The following CRTAC1 variants were observed in gnomAD, a reference collection of about 807,000 sequenced individuals.
The protein encoded by CRTAC1 is cartilage acidic protein 1, also known as acidic secreted protein in cartilage.
In CRTAC1, 37 loss-of-function variants were observed where a neutral mutation model predicts 67.8. The observed-to-expected ratio is 0.55, with a 90% confidence interval of 0.42 to 0.72. The LOEUF (loss-of-function observed/expected upper bound fraction) is 0.72. Among genes scored for constraint, CRTAC1 ranks in the 30% least tolerant of loss-of-function variants. CRTAC1 has a pLI of 0.00. For missense variants in CRTAC1, 780 were observed against 931.6 expected, an observed-to-expected ratio of 0.84 and a Z score of 2.12; for synonymous variants, 348 against 371.0, an observed-to-expected ratio of 0.94 and a Z score of 0.71.
chr10:97,984,074 G>A (rs1309703733), intron 2 of CRTAC1, among the ~76,000 whole-genome samples: 2 of 152,220 alleles, frequency 1.3e-5, no homozygotes, highest in Non-Finnish European at 2.9e-5. Context: ...TTAAGAGGAA[G>A]AGACAACAGC....
intron 2 of CRTAC1, among the ~76,000 whole-genome samples, chr10:98,003,794 TCTGTCTGTCTGC>T (rs1842736596): frequency 6.6e-6 from 1 of 152,178 alleles, no homozygotes; most frequent in Non-Finnish European, 1.5e-5. Flanking sequence ...TGCATGTGTG[TCTGTCTGTCTGC>T]CTGTCTGTCT....
Position 97,882,881 on chromosome 10 carries a change from A to G in CRTAC1, c.1633-53T>C, listed in dbSNP as rs2050234604. The G allele has an allele frequency of 1.9e-6, 3 of 1,582,868 alleles. No homozygotes were observed. The East Asian group carries it at 6.7e-5, about 35-fold the overall frequency. ...GAGTGAGTTGAGAAGGTCCCATCCC[A>G]GGTTCCCTCCTAGTCACAGCCACAG... On this transcript the variant is annotated intron_variant, in intron 12 of 14. Transcript: ENST00000370597.
At chr10:97,935,695 C>A (rs2051075713) in intron 3 of CRTAC1, among the ~76,000 whole-genome samples, 1 of 152,198 alleles carries the variant, frequency 6.6e-6, no homozygotes, top group Non-Finnish European at 1.5e-5. Context: ...AACAAGTGAG[C>A]TCAGCTGAGA....
intron 5 of CRTAC1, among the ~76,000 whole-genome samples, chr10:97,909,571 G>A (rs79120084): frequency 0.094 from 14,341 of 152,240 alleles, 1,036 homozygotes; most frequent in African/African-American, 0.2. Context: ...TGGCAAGGGT[G>A]TAGAGAAAAG....
chr10:98,014,607 A>G (rs1590293528), intron 1 of CRTAC1, among the ~76,000 whole-genome samples: 1 of 152,182 alleles, frequency 6.6e-6, no homozygotes, highest in East Asian at 1.9e-4. Flanking sequence ...AACTCCTACA[A>G]CTCAACAACA....
intron 4 of CRTAC1, among the ~76,000 whole-genome samples, chr10:97,920,821 G>T (rs538384823): frequency 2.6e-5 from 4 of 152,236 alleles, no homozygotes; most frequent in Non-Finnish European, 4.4e-5. Flanking sequence ...TATGTGAAAA[G>T]TCTTTGAAAA....
At chr10:98,027,103 C>T (rs372804394) in intron 1 of CRTAC1, among the ~76,000 whole-genome samples, 2 of 151,064 alleles carry the variant, frequency 1.3e-5, no homozygotes, top group East Asian at 3.9e-4. Context: ...GGAGGCGGAG[C>T]TTGCAGTGAG....
rs367605529 is a variant in CRTAC1 at position 97,994,983 on chromosome 10, C to T, written c.224+16155G>A. On this transcript the variant is annotated intron_variant, in intron 2 of 14. Coordinates refer to ENST00000370597, the MANE Select transcript of CRTAC1 (RefSeq NM_018058.7). ...CCACTGCCCAATCATGGACAGCATACAGAATGACTGCAACAGCTGGGCACA... is the reference window on the plus strand; with the variant it reads ...CCACTGCCCAATCATGGACAGCATATAGAATGACTGCAACAGCTGGGCACA... Among the ~76,000 whole-genome samples, 239 of 152,340 alleles carry T rather than the reference C, an allele frequency of 1.6e-3. 2 individuals carry two copies. Among genetic ancestry groups the T allele is most frequent in the African/African-American group, 5.2e-3 (216 of 41,574 alleles).
intron 1 of CRTAC1, among the ~76,000 whole-genome samples, chr10:98,019,106 G>A (rs1270943941): frequency 6.6e-6 from 1 of 152,098 alleles, no homozygotes; most frequent in Non-Finnish European, 1.5e-5. Context: ...TAGAGGGAGG[G>A]GTTGTAGCTG....
At chr10:97,886,042 G>T (rs2050279259) in intron 11 of CRTAC1, among the ~76,000 whole-genome samples, 1 of 152,174 alleles carries the variant, frequency 6.6e-6, no homozygotes, top group Non-Finnish European at 1.5e-5. Flanking sequence ...TATAAAAGGG[G>T]TTCCCATATT....
At chr10:97,929,883 A>G (rs1438842742) in intron 3 of CRTAC1, among the ~76,000 whole-genome samples, 1 of 152,240 alleles carries the variant, frequency 6.6e-6, no homozygotes, top group Non-Finnish European at 1.5e-5. Context: ...GACTTCGTCA[A>G]TGGAAAACCA....
At chr10:97,972,667 A>G (rs543236394) in intron 2 of CRTAC1, among the ~76,000 whole-genome samples, 1 of 152,380 alleles carries the variant, frequency 6.6e-6, no homozygotes, top group South Asian at 2.1e-4. Context: ...AAATCAGTGT[A>G]GTATCTATTG....
In CRTAC1 at chr10:97,904,534, C is replaced by T. The variant is rs2050583017; in HGVS notation, c.996+135G>A. On this transcript the variant is annotated intron_variant, in intron 7 of 14. Coordinates refer to ENST00000370597, the MANE Select transcript of CRTAC1 (RefSeq NM_018058.7). ...CCTCCTGGGCTCAAGATTCCTGTGCCTCAGCTACCGGAGTAGCTGGGATTA... is the reference window on the plus strand; with the variant it reads ...CCTCCTGGGCTCAAGATTCCTGTGCTTCAGCTACCGGAGTAGCTGGGATTA... 1.6e-5 allele frequency: 12 copies of T among 759,730 alleles called. No homozygotes were observed. The South Asian group carries it at 3.3e-4, about 21-fold the overall frequency. 47.1% of individuals were successfully genotyped at this position (759,730 alleles called of 1,614,324 possible). A position where few individuals can be genotyped will look rare whatever the true frequency, so the allele number is the denominator to read the frequency against.
At position 98,011,194 on chromosome 10, in the gene CRTAC1, A is replaced by G; in HGVS notation, c.168T>C (p.Tyr56=). Residue 56 remains tyrosine, a synonymous_variant, in exon 2 of 15, where the codon TAT becomes TAC. Transcript: ENST00000370597. ...GGTCCACATCAGTAACTGCCACACC[A>G]TAGTTGAGCTGGGTGGGATTACTGT... ...DYDSNPTQLN[Y]GVAVTDVDHD... is the part of the protein sequence containing the mutation. The G allele has an allele frequency of 1.2e-6, 2 of 1,614,166 alleles. No homozygotes were observed. Among genetic ancestry groups the G allele is most frequent in the African/African-American group, 1.3e-5 (1 of 75,050 alleles).
chr10:97,967,003 C>G (rs866023299), intron 2 of CRTAC1, among the ~76,000 whole-genome samples: 150 of 148,224 alleles, frequency 1.0e-3, no homozygotes, highest in African/African-American at 3.1e-3. Context: ...ACCCCCCCCC[C>G]CCCGACATCC....
intron 2 of CRTAC1, among the ~76,000 whole-genome samples, chr10:97,972,919 C>T (rs551684610): frequency 3.3e-5 from 5 of 151,934 alleles, no homozygotes; most frequent in Non-Finnish European, 2.9e-5. Context: ...CACAATTTAA[C>T]CTCTCTGAAA....
At chr10:97,978,288 G>A (rs1361933474) in intron 2 of CRTAC1, among the ~76,000 whole-genome samples, 1 of 152,178 alleles carries the variant, frequency 6.6e-6, no homozygotes, top group African/African-American at 2.4e-5. Flanking sequence ...TGTGTACACA[G>A]GAGTGCTTCA....
intron 2 of CRTAC1, among the ~76,000 whole-genome samples, chr10:98,007,619 G>C (rs1050944505): frequency 3.9e-5 from 6 of 152,204 alleles, no homozygotes; most frequent in African/African-American, 1.4e-4. Context: ...AGCAGCCTAA[G>C]CTTTCTCAGA....
intron 4 of CRTAC1, among the ~76,000 whole-genome samples, chr10:97,921,814 T>C (rs1289964147): frequency 6.6e-6 from 1 of 152,066 alleles, no homozygotes; most frequent in Admixed American, 6.5e-5. Flanking sequence ...TCTAGTTCTC[T>C]GAGGCCTGGG....
Sources: gnomAD v4.1 joint callset for allele counts (sites outside exome capture counted in the v4.1 genomes callset) on GRCh38, gnomAD v4.1.1 for gene constraint, MANE v1.5 for transcripts, NCBI Gene and HGNC (gene_info 2026-07-23, HGNC 2026-07-21) for gene names.